Variants in TFRC observed in about 807,000 individuals in gnomAD.
TFRC encodes transferrin receptor.
Under a neutral mutation model 85.8 loss-of-function variants are expected in TFRC, and 35 were observed. That is an observed-to-expected ratio of 0.41 (90% CI 0.31 to 0.54). The LOEUF (loss-of-function observed/expected upper bound fraction) is 0.54. Ranked by LOEUF, TFRC falls within the 20% of genes least tolerant of loss-of-function variation. The probability of loss-of-function intolerance (pLI) is 0.31; values close to 1 mark genes in which losing one functional copy is unlikely to be tolerated. For missense variants in TFRC, 828 were observed against 921.5 expected (o/e 0.90, Z 1.31); for synonymous variants, 362 against 328.6 (o/e 1.10, Z -1.10).
rs570827067 is a variant in TFRC, at chr3:196,065,807, T to C, written c.1041-207A>G. On this transcript the variant is annotated intron_variant, in intron 9 of 18. Transcript: ENST00000360110. ...GAGTTCAAGACCAGCCTGACCGACA[T>C]GGTGAAACCCCGACTCTACTAAAAA... Among the ~76,000 whole-genome samples, 5 of 152,092 alleles carry C rather than the reference T, an allele frequency of 3.3e-5. No individual in the cohort carries two copies. The South Asian group carries it at 1.0e-3, about 32-fold the overall frequency.
intron 17 of TFRC, among the ~76,000 whole-genome samples, chr3:196,054,782 G>A (rs1158124568): frequency 6.6e-6 from 1 of 152,200 alleles, no homozygotes. Context: ...CCAACTCCTT[G>A]CTGAGATCTT....
intron 4 of TFRC, among the ~76,000 whole-genome samples, chr3:196,073,204 G>A (rs1487304253): frequency 6.6e-6 from 1 of 151,078 alleles, no homozygotes; most frequent in Non-Finnish European, 1.5e-5. Context: ...TGGGCAACAC[G>A]TAAGACTCCA....
At chr3:196,060,299 C>T (rs777559510) in intron 13 of TFRC, 52 bp from the exon 14 acceptor site, 8 of 1,439,060 alleles carry the variant, frequency 5.6e-6, no homozygotes, top group East Asian at 4.6e-5. Context: ...ATAATTTTCA[C>T]ACTGCTACTT....
chr3:196,069,610 G>C (rs1023364332), intron 6 of TFRC, 42 bp from the exon 7 acceptor site: 1 of 1,239,696 alleles, frequency 8.1e-7, no homozygotes, highest in African/African-American at 1.5e-5. Context: ...TATGGTATCG[G>C]AACAGCTCTA....
At chr3:196,073,809 A>C in intron 4 of TFRC, 121 bp downstream of exon 4, 1 of 1,067,300 alleles carries the variant, frequency 9.4e-7, no homozygotes, top group Non-Finnish European at 1.3e-6. Context: ...TTAGCTAAAC[A>C]TGACAAGTCT....
At chr3:196,058,785 A>C in intron 14 of TFRC, 153 bp from the exon 15 acceptor site, 14 of 453,748 alleles carry the variant, frequency 3.1e-5, no homozygotes, top group Non-Finnish European at 4.2e-5. Flanking sequence ...AAACAATCTC[A>C]ACTTTAAGTT....
At chr3:196,065,254 CTCTT>C (rs1278860338) in intron 10 of TFRC, among the ~76,000 whole-genome samples, 185 bp downstream of exon 10, 2 of 106,602 alleles carry the variant, frequency 1.9e-5, no homozygotes, top group African/African-American at 5.9e-5. Flanking sequence ...AAGAGTGAAA[CTCTT>C]TCTCAAAAAA....
chr3:196,057,290 C>T (rs1332236981), intron 16 of TFRC, among the ~76,000 whole-genome samples: 2 of 152,088 alleles, frequency 1.3e-5, no homozygotes, highest in South Asian at 2.1e-4. Flanking sequence ...GTGAAAATCC[C>T]GTCCTGTTCT....
intron 8 of TFRC, 150 bp downstream of exon 8, chr3:196,067,880 CAA>C (rs1717866268): frequency 1.3e-6 from 1 of 747,708 alleles, no homozygotes; most frequent in African/African-American, 1.8e-5. Context: ...AATAAAGCCT[CAA>C]AGTCAATGTA....
intron 8 of TFRC, 25 bp downstream of exon 8, chr3:196,068,007 G>T: frequency 6.3e-7 from 1 of 1,583,252 alleles, no homozygotes; most frequent in Non-Finnish European, 8.7e-7. Flanking sequence ...ACTCAAAACG[G>T]TGATTTACTC....
rs1716322068 is a variant in TFRC, at chr3:196,051,699, A to C, written c.*243T>G. On this transcript the variant is annotated 3_prime_UTR_variant, in exon 19 of 19. Coordinates refer to ENST00000360110, the MANE Select transcript of TFRC (RefSeq NM_001128148.3). Reference sequence around the variant, plus strand: ...GCAGTTCCCATTACAAAGCACTTAAAATTCTAGAGATAGGGGAATATTCCA... The same window carrying C: ...GCAGTTCCCATTACAAAGCACTTAACATTCTAGAGATAGGGGAATATTCCA... The C allele has an allele frequency of 2.1e-6, 1 of 485,268 alleles. No homozygotes were observed. The highest frequency in any genetic ancestry group is 3.6e-6 in the Non-Finnish European group (1 of 274,302). The allele number at this position is 485,268 out of a possible 1,614,324, so 30.1% of individuals were successfully genotyped here. A position where few individuals can be genotyped will look rare whatever the true frequency, so the allele number is the denominator to read the frequency against.
At chr3:196,080,473 A>C (rs1480903424) in intron 1 of TFRC, among the ~76,000 whole-genome samples, 2 of 152,372 alleles carry the variant, frequency 1.3e-5, no homozygotes, top group Middle Eastern at 3.4e-3. Context: ...TCCTGACCTT[A>C]GGTGATCCGC....
intron 1 of TFRC, among the ~76,000 whole-genome samples, chr3:196,080,367 G>A (rs1719063584): frequency 6.6e-6 from 1 of 152,148 alleles, no homozygotes; most frequent in Non-Finnish European, 1.5e-5. Context: ...GCCTCCCAAA[G>A]TGCTGGAATT....
In TFRC at chr3:196,072,094, GA is replaced by G. The variant is rs1560085971; in HGVS notation, c.492del (p.Ala166ArgfsTer35). 6.2e-7 allele frequency: 1 copy of G among 1,614,092 alleles called. No individual in the cohort carries two copies. Among genetic ancestry groups the G allele is most frequent in the Non-Finnish European group, 8.5e-7 (1 of 1,180,024 alleles). On this transcript the variant is annotated frameshift_variant, in exon 5 of 19. Coordinates refer to ENST00000360110, the MANE Select transcript of TFRC (RefSeq NM_001128148.3). LOFTEE classifies it high-confidence loss of function. Reference sequence around the variant, plus strand: ...AATTGATTTTCAACATACAACGCAAGATTTTCATCTTTTTGAGATCCAGCCT... The same window carrying G: ...AATTGATTTTCAACATACAACGCAAGTTTTCATCTTTTTGAGATCCAGCCT... The part of the protein sequence containing the change: ...PREAGSQKDE[N>X]LALYVENQFR...
At chr3:196,081,247 G>C (rs776183077) in intron 1 of TFRC, among the ~76,000 whole-genome samples, 1 of 152,194 alleles carries the variant, frequency 6.6e-6, no homozygotes, top group African/African-American at 2.4e-5. Context: ...AGAACTGCTA[G>C]CAATATTCTT....
At position 196,073,916 on chromosome 3, in the gene TFRC, C is replaced by T. The variant is rs760823311; in HGVS notation, c.434+14G>A. On this transcript the variant is annotated intron_variant, in intron 4 of 18. Coordinates refer to ENST00000360110, the MANE Select transcript of TFRC (RefSeq NM_001128148.3). ...ATTACTTGTCTAGATACTTGCACAG[C>T]AGCTGGCACTCACTTGATGGTGCCG... 3.7e-6 allele frequency: 6 copies of T among 1,606,198 alleles called. No homozygotes were observed. In the Admixed American group the frequency reaches 1.0e-4, roughly 27 times the overall value.
chr3:196,053,141 A>G (rs546895038), intron 18 of TFRC, among the ~76,000 whole-genome samples: 23 of 152,006 alleles, frequency 1.5e-4, no homozygotes, highest in Non-Finnish European at 4.4e-5. Context: ...TTTTTAAAGG[A>G]AACTGATTCA....
At chr3:196,060,276 C>G (rs962744345) in intron 13 of TFRC, 29 bp from the exon 14 acceptor site, 4 of 1,590,818 alleles carry the variant, frequency 2.5e-6, no homozygotes, top group Middle Eastern at 1.7e-4. Flanking sequence ...ATCATTGCCC[C>G]TTCTCCATTC....
At chr3:196,066,454 A>AT (rs1376855650) in intron 9 of TFRC, among the ~76,000 whole-genome samples, 2 of 152,150 alleles carry the variant, frequency 1.3e-5, no homozygotes, top group Non-Finnish European at 2.9e-5. Context: ...GACTGTCAAA[A>AT]TAAAAAAAAA....
Sources: gnomAD v4.1 joint callset for allele counts (sites outside exome capture counted in the v4.1 genomes callset) on GRCh38, gnomAD v4.1.1 for gene constraint, MANE v1.5 for transcripts, NCBI Gene and HGNC (gene_info 2026-07-23, HGNC 2026-07-21) for gene names.